SETBP1: variants seen among roughly 807,000 people sequenced by gnomAD.
The protein encoded by SETBP1 is SET binding protein 1.
A neutral mutation model predicts 101.0 loss-of-function variants in SETBP1; 9 were observed. The observed-to-expected ratio is 0.09, with a 90% confidence interval of 0.05 to 0.16. SETBP1 has a LOEUF of 0.16. Among genes scored for constraint, SETBP1 ranks in the 10% least tolerant of loss-of-function variants. The pLI, the probability that SETBP1 is intolerant of heterozygous loss-of-function variation, is 1.00. For synonymous variants in SETBP1, 818 were observed against 788.5 expected (o/e 1.04, Z -0.63); for missense variants, 1,858 against 2,033.8 (o/e 0.91, Z 1.66).
At chr18:44,999,145 T>C (rs2072562391) in intron 4 of SETBP1, among the ~76,000 whole-genome samples, 1 of 152,202 alleles carries the variant, frequency 6.6e-6, no homozygotes, top group Non-Finnish European at 1.5e-5. Context: ...GTTACCACTA[T>C]GAGACTCACG....
intron 2 of SETBP1, among the ~76,000 whole-genome samples, chr18:44,859,264 C>T (rs948169179): frequency 3.3e-5 from 5 of 152,132 alleles, no homozygotes; most frequent in African/African-American, 4.8e-5. Flanking sequence ...ATGGCAGAGA[C>T]AATACCTTAG....
At chr18:45,023,536 C>T (rs1019030352) in intron 4 of SETBP1, among the ~76,000 whole-genome samples, 2 of 152,156 alleles carry the variant, frequency 1.3e-5, no homozygotes, top group African/African-American at 4.8e-5. Flanking sequence ...TATAGCCAAC[C>T]ACCAGCCGTT....
chr18:44,710,338 AG>A (rs2144260788), intron 2 of SETBP1, among the ~76,000 whole-genome samples: 2 of 152,220 alleles, frequency 1.3e-5, no homozygotes, highest in East Asian at 3.9e-4. Context: ...AGGATAGTCA[AG>A]GTGGAGAACA....
chr18:44,774,010 A>G (rs2070939151), intron 2 of SETBP1, among the ~76,000 whole-genome samples: 1 of 152,162 alleles, frequency 6.6e-6, no homozygotes, highest in Non-Finnish European at 1.5e-5. Context: ...CAACATGGCC[A>G]TTCAATCAGA....
At chr18:44,818,410 A>G (rs1410645003) in intron 2 of SETBP1, among the ~76,000 whole-genome samples, 1 of 152,170 alleles carries the variant, frequency 6.6e-6, no homozygotes. Context: ...GTCAGGCTGC[A>G]TTGAACCCAA....
At chr18:44,985,143 C>T (rs544185235) in intron 4 of SETBP1, among the ~76,000 whole-genome samples, 2 of 152,080 alleles carry the variant, frequency 1.3e-5, no homozygotes, top group Non-Finnish European at 2.9e-5. Context: ...GCCTTTTGAA[C>T]ATAAAATGTT....
intron 4 of SETBP1, among the ~76,000 whole-genome samples, chr18:44,979,261 G>A (rs932794005): frequency 6.6e-6 from 1 of 152,110 alleles, no homozygotes; most frequent in African/African-American, 2.4e-5. Flanking sequence ...TAAAAGTTTT[G>A]TGCTTTAAAA....
intron 2 of SETBP1, among the ~76,000 whole-genome samples, chr18:44,778,283 C>A (rs1008622546): frequency 2.0e-5 from 3 of 152,164 alleles, no homozygotes; most frequent in Non-Finnish European, 4.4e-5. Flanking sequence ...TTATTCTCAG[C>A]CTAGGGGGGC....
chr18:44,705,843 C>T (rs1033203373), intron 2 of SETBP1, among the ~76,000 whole-genome samples: 7 of 152,152 alleles, frequency 4.6e-5, no homozygotes, highest in Middle Eastern at 3.2e-3. Flanking sequence ...TATAGATCGT[C>T]AGGGAACATC....
chr18:44,806,213 C>G (rs2071730602), intron 2 of SETBP1, among the ~76,000 whole-genome samples: 1 of 152,090 alleles, frequency 6.6e-6, no homozygotes, highest in African/African-American at 2.4e-5. Context: ...AAAAAGAGAT[C>G]TTTGTTTATT....
intron 2 of SETBP1, among the ~76,000 whole-genome samples, chr18:44,748,266 G>C (rs2070304444): frequency 6.6e-6 from 1 of 152,194 alleles, no homozygotes; most frequent in Admixed American, 6.5e-5. Flanking sequence ...ACAAGAAGAA[G>C]GGGTGCAAAT....
At chr18:44,700,450 A>G (rs1024570799) in intron 1 of SETBP1, among the ~76,000 whole-genome samples, 3 of 152,184 alleles carry the variant, frequency 2.0e-5, no homozygotes, top group African/African-American at 7.2e-5. Flanking sequence ...ATAATTGATA[A>G]TGATTAAATT....
intron 3 of SETBP1, among the ~76,000 whole-genome samples, chr18:44,901,399 T>A (rs1355835130): frequency 6.6e-6 from 1 of 152,166 alleles, no homozygotes; most frequent in East Asian, 1.9e-4. Context: ...GCCAAACAGA[T>A]TCATCTAATG....
intron 2 of SETBP1, among the ~76,000 whole-genome samples, chr18:44,751,966 A>G (rs2070389304): frequency 1.3e-5 from 2 of 152,140 alleles, no homozygotes; most frequent in African/African-American, 2.4e-5. Context: ...TTATAAAGCC[A>G]CTAATTCTTT....
chr18:44,951,501 A>G lies in SETBP1; in HGVS notation c.2161A>G (p.Ile721Val). 2 of 1,614,132 alleles carry G rather than the reference A, an allele frequency of 1.2e-6. No individual in the cohort carries two copies. Among genetic ancestry groups the G allele is most frequent in the Non-Finnish European group, 1.7e-6 (2 of 1,180,022 alleles). ...GATTAATGTCAGCAAGAGGGGAACC[A>G]TCTACATTGGCAAGAAGCGGGGCAG... ...KQINVSKRGTIYIGKKRGRKP... is the reference protein window; with the variant it reads ...KQINVSKRGTVYIGKKRGRKP... Residue 721 changes from isoleucine (I) to valine (V), a missense_variant, in exon 4 of 6, where the codon ATC becomes GTC. Ile to Val is a conservative substitution (Grantham distance 29, BLOSUM62 3). This residue lies in a region of SETBP1 where 8 missense variants were observed against 32.7 expected (regional missense o/e 0.24). Coordinates refer to ENST00000649279, the MANE Select transcript of SETBP1 (RefSeq NM_015559.3). The surrounding 1 kb of genome is among the most constrained non-coding windows in gnomAD (Gnocchi z 7.8).
At chr18:44,954,528 G>T (rs1465633021) in intron 4 of SETBP1, among the ~76,000 whole-genome samples, 2 of 152,048 alleles carry the variant, frequency 1.3e-5, no homozygotes, top group African/African-American at 4.8e-5. Flanking sequence ...CTGAAGGCAA[G>T]AATAGTCTAT....
At chr18:45,062,568 T>G (rs769684187) in intron 5 of SETBP1, among the ~76,000 whole-genome samples, 4 of 152,228 alleles carry the variant, frequency 2.6e-5, no homozygotes, top group Non-Finnish European at 5.9e-5. Context: ...TTCTATGAGA[T>G]CGATAGTACA....
At position 45,063,587 on chromosome 18, in the gene SETBP1, C is replaced by A. The variant is rs201428338; in HGVS notation, c.4680C>A (p.Pro1560=). The change falls in exon 6 of 6, where the codon CCC becomes CCA. Residue 1560 remains proline, a synonymous_variant. Transcript: ENST00000649279. ...AGAGGAAACACAAACCGCAGGCCCC[C>A]GCTCAGCCCCCACAGCAGTCGCCCC... is the stretch of plus-strand genomic sequence containing the variant. ...GGKRKHKPQA[P]AQPPQQSPPQ... 1 of 1,579,016 alleles carries A rather than the reference C, an allele frequency of 6.3e-7. No homozygotes were observed. Among genetic ancestry groups the A allele is most frequent in the East Asian group, 2.3e-5 (1 of 43,432 alleles).
intron 2 of SETBP1, among the ~76,000 whole-genome samples, chr18:44,848,279 T>C (rs2072767412): frequency 6.6e-6 from 1 of 152,228 alleles, no homozygotes; most frequent in African/African-American, 2.4e-5. Flanking sequence ...TTAAAGCTCA[T>C]GGTAAAAATT....
Sources: gnomAD v4.1 joint callset for allele counts (sites outside exome capture counted in the v4.1 genomes callset) on GRCh38, gnomAD v4.1.1 for gene constraint, gnomAD v4.1.1 regional missense constraint, Gnocchi (gnomAD v3.1) non-coding constraint, MANE v1.5 for transcripts, NCBI Gene and HGNC (gene_info 2026-07-23, HGNC 2026-07-21) for gene names.